The following SCAPER variants were observed in gnomAD, a reference collection of about 807,000 sequenced individuals.
SCAPER encodes S phase cyclin A-associated protein in the endoplasmic reticulum.
Under a neutral mutation model 182.2 loss-of-function variants are expected in SCAPER, and 98 were observed. The ratio of observed to expected loss-of-function variants is 0.54; its 90% CI spans 0.46 to 0.64. SCAPER has a LOEUF of 0.64. SCAPER is among the 30% of genes least tolerant of loss of function. SCAPER has a pLI of 0.00. For missense variants in SCAPER, 1,432 were observed against 1,690.0 expected (o/e 0.85, Z 2.68); for synonymous variants, 605 against 564.6 (o/e 1.07, Z -1.01).
chr15:76,448,040 G>A (rs1052629259), intron 25 of SCAPER, among the ~76,000 whole-genome samples: 6 of 152,128 alleles, frequency 3.9e-5, no homozygotes, highest in African/African-American at 1.4e-4. Context: ...ACAGAAGAGA[G>A]TATGTGTGTT....
intron 21 of SCAPER, among the ~76,000 whole-genome samples, chr15:76,655,557 T>C (rs1187397014): frequency 6.6e-6 from 1 of 152,130 alleles, no homozygotes; most frequent in Non-Finnish European, 1.5e-5. Flanking sequence ...TGTGAGATAC[T>C]ACACAAGACA....
chr15:76,869,785 A>C (rs2072562561), intron 2 of SCAPER, among the ~76,000 whole-genome samples: 1 of 152,218 alleles, frequency 6.6e-6, no homozygotes, highest in South Asian at 2.1e-4. Flanking sequence ...AAACTAATAT[A>C]TCAAAAAGTT....
In SCAPER at chr15:76,606,915, C is replaced by T. The variant is rs146885363; in HGVS notation, c.2711+14849G>A. 9.9e-5 allele frequency among the ~76,000 whole-genome samples: 15 copies of T among 152,160 alleles called. 1 individual carries two copies. The highest frequency in any genetic ancestry group is 1.9e-4 in the East Asian group (1 of 5,196). ...TATTTTGAGCCTATGTGTATCTCTG[C>T]ACGTGAGATGGGTTTCCTGAATACA... On this transcript the variant is annotated intron_variant, in intron 22 of 31. Transcript: ENST00000563290.
chr15:76,616,127 GATA>G (rs1019798268), intron 22 of SCAPER, among the ~76,000 whole-genome samples: 63 of 151,988 alleles, frequency 4.1e-4, no homozygotes, highest in African/African-American at 1.5e-3. Context: ...TCTACTTCTG[GATA>G]TATACAGAAA....
intron 21 of SCAPER, among the ~76,000 whole-genome samples, chr15:76,652,526 C>T (rs868127212): frequency 3.6e-5 from 4 of 111,122 alleles, no homozygotes; most frequent in African/African-American, 1.1e-4. Flanking sequence ...CATACACACA[C>T]ACACACACAC....
At chr15:76,583,038 T>C (rs1056374101) in intron 22 of SCAPER, among the ~76,000 whole-genome samples, 2 of 152,048 alleles carry the variant, frequency 1.3e-5, no homozygotes, top group Non-Finnish European at 2.9e-5. Context: ...AACTCTCCAG[T>C]ACATTGGACT....
intron 9 of SCAPER, 101 bp downstream of exon 9, chr15:76,774,754 A>T: frequency 7.7e-7 from 1 of 1,305,278 alleles, no homozygotes; most frequent in Non-Finnish European, 1.0e-6. Context: ...GAAAATTTTC[A>T]CAGTAAGTTA....
At chr15:76,540,950 A>G (rs1455280706) in intron 23 of SCAPER, among the ~76,000 whole-genome samples, 1 of 151,844 alleles carries the variant, frequency 6.6e-6, no homozygotes, top group African/African-American at 2.4e-5. Flanking sequence ...ATGAAACCCC[A>G]TCTCTAATAA....
At chr15:76,757,395 G>A (rs1002026387) in intron 14 of SCAPER, among the ~76,000 whole-genome samples, 1 of 151,602 alleles carries the variant, frequency 6.6e-6, no homozygotes, top group East Asian at 1.9e-4. Flanking sequence ...CTCCATCCAC[G>A]TTGTCACAAA....
At chr15:76,879,482 A>G (rs1245432191) in intron 2 of SCAPER, among the ~76,000 whole-genome samples, 1 of 152,218 alleles carries the variant, frequency 6.6e-6, no homozygotes, top group Admixed American at 6.5e-5. Context: ...TGTTAGAGAA[A>G]AGACTCTCCT....
intron 21 of SCAPER, among the ~76,000 whole-genome samples, chr15:76,645,547 T>C (rs2054477543): frequency 1.3e-5 from 2 of 151,852 alleles, no homozygotes. Context: ...TTGGTTTGTA[T>C]GTATTTATTC....
At chr15:76,808,682 G>A (rs1212297215) in intron 5 of SCAPER, among the ~76,000 whole-genome samples, 1 of 152,200 alleles carries the variant, frequency 6.6e-6, no homozygotes, top group Non-Finnish European at 1.5e-5. Flanking sequence ...GACCATAAAT[G>A]TGCATGTGGG....
At chr15:76,749,530 A>G (rs1039178672) in intron 15 of SCAPER, among the ~76,000 whole-genome samples, 1 of 152,100 alleles carries the variant, frequency 6.6e-6, no homozygotes, top group African/African-American at 2.4e-5. Context: ...TACAGACTGG[A>G]AAGAAAGAAA....
intron 25 of SCAPER, among the ~76,000 whole-genome samples, chr15:76,462,176 G>A (rs2049240256): frequency 6.6e-6 from 1 of 152,272 alleles, no homozygotes; most frequent in Non-Finnish European, 1.5e-5. Flanking sequence ...ACCAACTGTA[G>A]CCTGCCCTCA....
At chr15:76,562,063 G>A (rs989439572) in intron 23 of SCAPER, among the ~76,000 whole-genome samples, 6 of 142,408 alleles carry the variant, frequency 4.2e-5, no homozygotes, top group East Asian at 4.3e-4. Context: ...CGGAAGAATC[G>A]CTTGAACCTA....
chr15:76,474,268 T>A (rs1254609686), intron 24 of SCAPER, among the ~76,000 whole-genome samples: 2 of 152,226 alleles, frequency 1.3e-5, no homozygotes, highest in East Asian at 3.8e-4. Flanking sequence ...AATATCTAAC[T>A]TCCTATGATG....
At chr15:76,382,597 A>G (rs2043023551) in intron 27 of SCAPER, among the ~76,000 whole-genome samples, 1 of 152,158 alleles carries the variant, frequency 6.6e-6, no homozygotes. Flanking sequence ...CAGAAACTGT[A>G]CAAAGATTTC....
At chr15:76,371,282 A>G (rs901831939) in intron 29 of SCAPER, among the ~76,000 whole-genome samples, 9 of 151,738 alleles carry the variant, frequency 5.9e-5, no homozygotes, top group African/African-American at 1.7e-4. Context: ...CTCTACAAAT[A>G]TAAGGTATTT....
At chr15:76,731,109 C>G (rs1449612971) in intron 16 of SCAPER, among the ~76,000 whole-genome samples, 3 of 152,120 alleles carry the variant, frequency 2.0e-5, no homozygotes, top group African/African-American at 7.2e-5. Context: ...TTCTAAATAT[C>G]TGTTTAATAA....
Sources: gnomAD v4.1 joint callset for allele counts (sites outside exome capture counted in the v4.1 genomes callset) on GRCh38, gnomAD v4.1.1 for gene constraint, MANE v1.5 for transcripts, NCBI Gene and HGNC (gene_info 2026-07-23, HGNC 2026-07-21) for gene names.